The following TMEM131 variants were observed in gnomAD, a reference collection of about 807,000 sequenced individuals.
TMEM131 encodes the protein 2610524E03Rik.
A neutral mutation model predicts 211.6 loss-of-function variants in TMEM131; 66 were observed. The ratio of observed to expected loss-of-function variants is 0.31; its 90% CI spans 0.26 to 0.38. The LOEUF (loss-of-function observed/expected upper bound fraction) is 0.38, where lower values mean the gene tolerates loss of function less well. Ranked by LOEUF, TMEM131 falls within the 10% of genes least tolerant of loss-of-function variation. The pLI, the probability that TMEM131 is intolerant of heterozygous loss-of-function variation, is 1.00. For missense variants in TMEM131, 2,036 were observed against 2,299.3 expected (o/e 0.89, Z 2.34); for synonymous variants, 844 against 841.3 (o/e 1.00, Z -0.06).
intron 4 of TMEM131, among the ~76,000 whole-genome samples, chr2:97,879,004 A>G (rs1380493608): frequency 6.6e-6 from 1 of 152,142 alleles, no homozygotes; most frequent in Non-Finnish European, 1.5e-5. Context: ...GTGTCTGTGC[A>G]TATGTGACAT....
At chr2:97,803,691 T>C (rs1014057992) in intron 22 of TMEM131, among the ~76,000 whole-genome samples, 2 of 152,122 alleles carry the variant, frequency 1.3e-5, no homozygotes, top group African/African-American at 2.4e-5. Flanking sequence ...GAATATCACA[T>C]CTACTGTGCA....
In TMEM131 at chr2:97,942,477, T is replaced by TA. The variant is rs34873706; in HGVS notation, c.188-14991dup. On this transcript the variant is annotated intron_variant, in intron 1 of 40. Transcript: ENST00000186436. ...GTACCCTAGAACTTAAAGTATAATTTAAAAAAAAAAAATACAAAAAAAAAG... is the reference window on the plus strand; with the variant it reads ...GTACCCTAGAACTTAAAGTATAATTTAAAAAAAAAAAAATACAAAAAAAAAG... Among the ~76,000 whole-genome samples the TA allele has an allele frequency of 3.6e-4, 52 of 145,126 alleles. No homozygotes were observed. In the East Asian group the frequency reaches 5.6e-3, roughly 16 times the overall value.
At chr2:97,865,659 T>C (rs1674241205) in intron 4 of TMEM131, among the ~76,000 whole-genome samples, 1 of 152,180 alleles carries the variant, frequency 6.6e-6, no homozygotes, top group Non-Finnish European at 1.5e-5. Flanking sequence ...TTGTGGAGGA[T>C]TTTTGCGTCT....
intron 1 of TMEM131, among the ~76,000 whole-genome samples, chr2:97,960,401 AC>A (rs1678764463): frequency 6.6e-6 from 1 of 151,992 alleles, no homozygotes; most frequent in South Asian, 2.1e-4. Flanking sequence ...TTCCAATATA[AC>A]TGATTACTTT....
intron 11 of TMEM131, among the ~76,000 whole-genome samples, chr2:97,828,556 T>G (rs1247796985): frequency 1.3e-5 from 2 of 152,166 alleles, no homozygotes; most frequent in African/African-American, 2.4e-5. Context: ...CTCAAAGGAT[T>G]TCTCAGACAG....
At chr2:97,945,655 G>C (rs1442537250) in intron 1 of TMEM131, among the ~76,000 whole-genome samples, 1 of 152,022 alleles carries the variant, frequency 6.6e-6, no homozygotes, top group Non-Finnish European at 1.5e-5. Context: ...TTGTGCACGG[G>C]GAGGAGAAAA....
intron 5 of TMEM131, among the ~76,000 whole-genome samples, chr2:97,858,744 G>A (rs962043594): frequency 1.3e-5 from 2 of 152,074 alleles, no homozygotes; most frequent in African/African-American, 2.4e-5. Context: ...AGCTGAGAGG[G>A]GTCACTGACC....
At chr2:97,829,418 T>C (rs1316983281) in intron 11 of TMEM131, among the ~76,000 whole-genome samples, 1 of 151,906 alleles carries the variant, frequency 6.6e-6, no homozygotes, top group South Asian at 2.1e-4. Flanking sequence ...AGCTAAAGGA[T>C]TGTAAATGCA....
intron 2 of TMEM131, among the ~76,000 whole-genome samples, chr2:97,912,245 T>C (rs1676320653): frequency 1.3e-5 from 2 of 152,182 alleles, no homozygotes; most frequent in South Asian, 4.1e-4. Context: ...AAAACCAATG[T>C]TGTGACTGAA....
chr2:97,834,396 A>G (rs1682845720), intron 10 of TMEM131, among the ~76,000 whole-genome samples: 1 of 152,204 alleles, frequency 6.6e-6, no homozygotes, highest in South Asian at 2.1e-4. Context: ...AAATTATCCC[A>G]TGGCCTTGTT....
chr2:97,986,072 T>C (rs1287381751), intron 1 of TMEM131, among the ~76,000 whole-genome samples: 1 of 151,194 alleles, frequency 6.6e-6, no homozygotes, highest in Non-Finnish European at 1.5e-5. Flanking sequence ...AAAAGAAAAA[T>C]TCAAACATCA....
intron 1 of TMEM131, among the ~76,000 whole-genome samples, chr2:97,931,281 C>T (rs1677207049): frequency 6.6e-6 from 1 of 151,798 alleles, no homozygotes. Context: ...CGACCCACAT[C>T]TCTAAGCTGT....
chr2:97,788,095 C>T (rs1232967084), intron 31 of TMEM131, among the ~76,000 whole-genome samples: 1 of 152,190 alleles, frequency 6.6e-6, no homozygotes, highest in Non-Finnish European at 1.5e-5. Flanking sequence ...CCTGTGACGT[C>T]CTCACTCGCT....
chr2:97,943,032 AAAAGAAAAG>A (rs1313443544), intron 1 of TMEM131, among the ~76,000 whole-genome samples: 801 of 47,000 alleles, frequency 0.017, 7 homozygotes, highest in Middle Eastern at 0.067. Flanking sequence ...AAAAGAAAAG[AAAAGAAAAG>A]AAAGAAAGAA....
intron 11 of TMEM131, among the ~76,000 whole-genome samples, chr2:97,822,851 T>C (rs1231946224): frequency 2.0e-5 from 3 of 152,160 alleles, no homozygotes; most frequent in African/African-American, 7.2e-5. Flanking sequence ...AGGCTCACCC[T>C]TGAAATGCAT....
At chr2:97,951,722 C>T (rs891802213) in intron 1 of TMEM131, among the ~76,000 whole-genome samples, 4 of 152,074 alleles carry the variant, frequency 2.6e-5, no homozygotes, top group Non-Finnish European at 4.4e-5. Flanking sequence ...CACACCACAC[C>T]GCCCCAACAC....
At chr2:97,844,417 TC>T (rs1406862155) in intron 5 of TMEM131, among the ~76,000 whole-genome samples, 156 bp from the exon 6 acceptor site, 3 of 152,220 alleles carry the variant, frequency 2.0e-5, no homozygotes, top group African/African-American at 4.8e-5. Context: ...AAAGATGTCT[TC>T]CATATTGAAT....
intron 32 of TMEM131, among the ~76,000 whole-genome samples, chr2:97,773,971 G>C (rs981387614): frequency 2.0e-5 from 3 of 152,308 alleles, no homozygotes; most frequent in Admixed American, 2.0e-4. Flanking sequence ...CTCAGCAAAG[G>C]GGACAGTGAT....
chr2:97,859,380 C>G lies in TMEM131; in HGVS notation c.407G>C (p.Ser136Thr), dbSNP rs1673974163. 1 of 1,598,916 alleles carries G rather than the reference C, an allele frequency of 6.3e-7. No homozygotes were observed. Among genetic ancestry groups the G allele is most frequent in the Non-Finnish European group, 8.5e-7 (1 of 1,175,550 alleles). The change falls in exon 5 of 41, where the codon AGT (serine) becomes ACT (threonine). Residue 136 changes from serine to threonine, a missense_variant. This residue lies in a region of TMEM131 where 277 missense variants were observed against 378.0 expected (regional missense o/e 0.73). Transcript: ENST00000186436. Reference protein sequence around the residue: ...KMEKVYLHNPSSEETITLVSI... With the variant: ...KMEKVYLHNPTSEETITLVSI... Reference sequence around the variant, plus strand: ...TACTAAAGTAATCGTTTCTTCAGAACTAGGATTATGTAAGTAGACTTTTTC... The same window carrying G: ...TACTAAAGTAATCGTTTCTTCAGAAGTAGGATTATGTAAGTAGACTTTTTC...
Sources: gnomAD v4.1 joint callset for allele counts (sites outside exome capture counted in the v4.1 genomes callset) on GRCh38, gnomAD v4.1.1 for gene constraint, gnomAD v4.1.1 regional missense constraint, MANE v1.5 for transcripts, NCBI Gene and HGNC (gene_info 2026-07-23, HGNC 2026-07-21) for gene names.